Variants in ISCA1 observed in about 807,000 individuals in gnomAD.
ISCA1 encodes the protein iron-sulfur cluster assembly 1, also known as iron-sulfur cluster assembly 1 homolog, mitochondrial.
Under a neutral mutation model 14.7 loss-of-function variants are expected in ISCA1, and 9 were observed. The observed-to-expected ratio is 0.61, with a 90% confidence interval of 0.37 to 1.07. The LOEUF (loss-of-function observed/expected upper bound fraction) is 1.07. ISCA1 is among the 50% of genes least tolerant of loss of function. The pLI, the probability that ISCA1 is intolerant of heterozygous loss-of-function variation, is 0.01. For synonymous variants in ISCA1, 38 were observed against 54.3 expected (o/e 0.70, Z 1.32); for missense variants, 102 against 150.1 (o/e 0.68, Z 1.67).
intron 2 of ISCA1, among the ~76,000 whole-genome samples, chr9:86,273,104 T>C (rs1484189213): frequency 6.6e-6 from 1 of 152,222 alleles, no homozygotes; most frequent in African/African-American, 2.4e-5. Flanking sequence ...TCTATCCAAA[T>C]TGAATCAGAA....
intron 3 of ISCA1, chr9:86,267,835 TAAAAAA>T: frequency 8.5e-6 from 1 of 117,300 alleles, no homozygotes; most frequent in Non-Finnish European, 1.8e-5. Flanking sequence ...CATCTCAAAT[TAAAAAA>T]AAAAAAAAAA....
chr9:86,265,831 G>A lies in ISCA1; in HGVS notation c.*212C>T. 1.3e-6 allele frequency: 1 copy of A among 788,082 alleles called. No homozygotes were observed. Among genetic ancestry groups the A allele is most frequent in the Admixed American group, 2.3e-5 (1 of 44,022 alleles). The allele number at this position is 788,082 out of a possible 1,614,324, so 48.8% of individuals were successfully genotyped here. ...TGGTTCTAAAACAAAGGATACAAGA[G>A]ACCTAAATGATCCAAAAAGAGTGAT... On this transcript the variant is annotated 3_prime_UTR_variant, in exon 4 of 4. Coordinates refer to ENST00000375991, the MANE Select transcript of ISCA1 (RefSeq NM_030940.4).
rs1421673093 is a variant in ISCA1, at chr9:86,266,033, T to C, written c.*10A>G. 1.2e-6 allele frequency: 2 copies of C among 1,611,436 alleles called. No homozygotes were observed. Among genetic ancestry groups the C allele is most frequent in the African/African-American group, 2.7e-5 (2 of 74,742 alleles). Reference sequence around the variant, plus strand: ...TTCCTGGAACCTACGGCCAGAAGAGTCCTGAGATTTCAAATATTAAAGCTT... The same window carrying C: ...TTCCTGGAACCTACGGCCAGAAGAGCCCTGAGATTTCAAATATTAAAGCTT... On this transcript the variant is annotated 3_prime_UTR_variant, in exon 4 of 4. Transcript: ENST00000375991.
In ISCA1 at chr9:86,282,395, G is replaced by A. The variant is rs756524262; in HGVS notation, c.64C>T (p.Arg22Trp). 46 of 1,552,008 alleles carry A rather than the reference G, an allele frequency of 3.0e-5. No individual in the cohort carries two copies. Among genetic ancestry groups the A allele is most frequent in the Non-Finnish European group, 3.9e-5 (45 of 1,147,812 alleles). The change falls in exon 1 of 4, where the codon CGG becomes TGG. Residue 22 changes from arginine (R) to tryptophan (W), a missense_variant. Arg to Trp is a moderately radical substitution (Grantham distance 101). Transcript: ENST00000375991. ...AVSKRKLQPTRAALTLTPSAV... is the reference protein window; with the variant it reads ...AVSKRKLQPTWAALTLTPSAV... The stretch of plus-strand genomic sequence containing the variant: ...GCACTCACCAGGGTGAGGGCTGCCC[G>A]GGTGGGCTGCAGCTTCCTCTTGCTC...
chr9:86,267,069 A>G (rs140298837), intron 3 of ISCA1: 4,365 of 152,546 alleles, frequency 0.029, 142 homozygotes, highest in East Asian at 0.15. Context: ...CACTAAAAAT[A>G]CAAAAATTAG....
At position 86,276,319 on chromosome 9, in the gene ISCA1, G is replaced by A. The variant is rs201064532; in HGVS notation, c.82-2077C>T. 6.6e-5 allele frequency among the ~76,000 whole-genome samples: 10 copies of A among 152,154 alleles called. No homozygotes were observed. The East Asian group carries it at 1.7e-3, about 26-fold the overall frequency. ...GAGCTCGCTTAGGTGGTAATGCTTG[G>A]CTTGCCTGCTGCTCTCACCTCCTGC... On this transcript the variant is annotated intron_variant, in intron 1 of 3. Transcript: ENST00000375991.
chr9:86,274,677 A>T (rs1394004975), intron 1 of ISCA1, among the ~76,000 whole-genome samples: 2 of 151,680 alleles, frequency 1.3e-5, no homozygotes, highest in Non-Finnish European at 2.9e-5. Context: ...TATTAATCCT[A>T]CTGCTTTTTT....
rs1825411676 is a variant in ISCA1, at chr9:86,274,262, T to C, written c.82-20A>G. Reference sequence around the variant, plus strand: ...AGGTGTCTGAAAAAAGAAAATGATGTTTTTAGCTACAAAACTTGTTATTCA... The same window carrying C: ...AGGTGTCTGAAAAAAGAAAATGATGCTTTTAGCTACAAAACTTGTTATTCA... On this transcript the variant is annotated intron_variant, in intron 1 of 3. Transcript: ENST00000375991. The C allele has an allele frequency of 6.6e-7, 1 of 1,519,510 alleles. No individual in the cohort carries two copies. 94.1% of individuals were successfully genotyped at this position (1,519,510 alleles called of 1,614,324 possible).
chr9:86,270,947 C>T lies in ISCA1; in HGVS notation c.241+1060G>A, dbSNP rs1471298445. 2.9e-4 allele frequency among the ~76,000 whole-genome samples: 25 copies of T among 85,416 alleles called. No homozygotes were observed. The South Asian group carries it at 3.5e-3, about 12-fold the overall frequency. 56.0% of individuals were successfully genotyped at this position (85,416 alleles called of 152,430 possible). On this transcript the variant is annotated intron_variant, in intron 3 of 3. Transcript: ENST00000375991. ...TCACACTCTGGGGACTGTTGTGGGG[C>T]GGGGGGAGGGGGGAGGGATAGCATT...
rs1491439924 is a variant in ISCA1, at chr9:86,280,595, A to AG, written c.81+1782_81+1783insC. ...GGGCAACCCAGCGAAACCCTGTCTC[A>AG]AAAAAAAAAAAAAAAAAAAGAAATT... On this transcript the variant is annotated intron_variant, in intron 1 of 3. Transcript: ENST00000375991. Among the ~76,000 whole-genome samples the AG allele has an allele frequency of 3.6e-3, 230 of 63,730 alleles. 4 individuals carry two copies. The highest frequency in any genetic ancestry group is 4.4e-3 in the Non-Finnish European group (169 of 38,226). The allele number at this position is 63,730 out of a possible 152,430, so 41.8% of individuals were successfully genotyped here. A position where few individuals can be genotyped will look rare whatever the true frequency, so the allele number is the denominator to read the frequency against.
At position 86,278,436 on chromosome 9, in the gene ISCA1, G is replaced by C. The variant is rs184905749; in HGVS notation, c.81+3942C>G. 9.2e-5 allele frequency among the ~76,000 whole-genome samples: 14 copies of C among 152,230 alleles called. No individual in the cohort carries two copies. In the East Asian group the frequency reaches 2.7e-3, roughly 29 times the overall value. On this transcript the variant is annotated intron_variant, in intron 1 of 3. Coordinates refer to ENST00000375991, the MANE Select transcript of ISCA1 (RefSeq NM_030940.4). ...TGCCAGCACTTTGGGAGGCCAAGGT[G>C]GGAGGACGGCTTGAGGCCAGGAGTT...
intron 1 of ISCA1, among the ~76,000 whole-genome samples, chr9:86,280,991 T>C (rs994546553): frequency 2.0e-5 from 3 of 148,272 alleles, no homozygotes; most frequent in Non-Finnish European, 4.5e-5. Flanking sequence ...ACCCAGTTAA[T>C]AGGGTTGCTA....
At chr9:86,282,159 T>G in intron 1 of ISCA1, 2 of 571,452 alleles carry the variant, frequency 3.5e-6, no homozygotes, top group Non-Finnish European at 6.0e-6. Context: ...GAAACGTAGT[T>G]TCCGGGGCCA....
chr9:86,275,993 A>G (rs1229855646), intron 1 of ISCA1, among the ~76,000 whole-genome samples: 1 of 152,206 alleles, frequency 6.6e-6, no homozygotes, highest in East Asian at 1.9e-4. Flanking sequence ...TTCCACGGAT[A>G]AGGGGAATGG....
intron 3 of ISCA1, chr9:86,267,333 T>C (rs975000277): frequency 1.2e-6 from 1 of 831,404 alleles, no homozygotes; most frequent in Non-Finnish European, 1.4e-6. Context: ...TTCTTTAAGA[T>C]GAAAATCTTA....
At chr9:86,271,634 A>G (rs1029436967) in intron 3 of ISCA1, among the ~76,000 whole-genome samples, 3 of 152,226 alleles carry the variant, frequency 2.0e-5, no homozygotes, top group African/African-American at 7.2e-5. Flanking sequence ...GTGAGGTTTA[A>G]GGCTGGTTCA....
chr9:86,273,342 G>T lies in ISCA1; in HGVS notation c.135+847C>A, dbSNP rs571329840. 3.9e-5 allele frequency among the ~76,000 whole-genome samples: 6 copies of T among 152,292 alleles called. No individual in the cohort carries two copies. The East Asian group carries it at 1.2e-3, about 29-fold the overall frequency. On this transcript the variant is annotated intron_variant, in intron 2 of 3. Coordinates refer to ENST00000375991, the MANE Select transcript of ISCA1 (RefSeq NM_030940.4). ...CTCAACAATTCTGTATCTAGGAATG[G>T]ATCCTATGTAGGTGGACTAAGCCAT...
intron 1 of ISCA1, among the ~76,000 whole-genome samples, chr9:86,274,676 T>TGTTG (rs1174037999): frequency 6.6e-6 from 1 of 152,166 alleles, no homozygotes; most frequent in Non-Finnish European, 1.5e-5. Context: ...TTATTAATCC[T>TGTTG]ACTGCTTTTT....
chr9:86,280,073 T>C (rs1248716932), intron 1 of ISCA1, among the ~76,000 whole-genome samples: 1 of 152,132 alleles, frequency 6.6e-6, no homozygotes, highest in Non-Finnish European at 1.5e-5. Context: ...ACTGCTATGA[T>C]AACATGTACT....
Sources: gnomAD v4.1 joint callset for allele counts (sites outside exome capture counted in the v4.1 genomes callset) on GRCh38, gnomAD v4.1.1 for gene constraint, MANE v1.5 for transcripts, NCBI Gene and HGNC (gene_info 2026-07-23, HGNC 2026-07-21) for gene names.